Variants in ADAM12 observed in about 807,000 individuals in gnomAD.
The protein encoded by ADAM12 is ADAM metallopeptidase domain 12.
ADAM12 carries 70 observed loss-of-function variants against 106.4 expected under a neutral mutation model. That is an observed-to-expected ratio of 0.66 (90% CI 0.54 to 0.80). ADAM12 has a LOEUF of 0.80. ADAM12 is among the 30% of genes least tolerant of loss of function. The pLI is 0.00. For synonymous variants in ADAM12, 420 were observed against 433.5 expected, an observed-to-expected ratio of 0.97 and a Z score of 0.39; for missense variants, 1,010 against 1,171.9, an observed-to-expected ratio of 0.86 and a Z score of 2.02.
chr10:126,024,497 A>G (rs942141136), intron 21 of ADAM12, among the ~76,000 whole-genome samples: 2 of 152,228 alleles, frequency 1.3e-5, no homozygotes, highest in Non-Finnish European at 2.9e-5. Flanking sequence ...TACACTACAA[A>G]TTGGAACCAG....
chr10:126,106,374 A>T (rs944836734), intron 8 of ADAM12, among the ~76,000 whole-genome samples: 1 of 152,122 alleles, frequency 6.6e-6, no homozygotes, highest in East Asian at 1.9e-4. Context: ...GGTAAAAATA[A>T]TAATCAGGAA....
chr10:126,052,071 C>T (rs754667820), intron 14 of ADAM12, among the ~76,000 whole-genome samples: 3 of 152,210 alleles, frequency 2.0e-5, no homozygotes, highest in African/African-American at 7.2e-5. Flanking sequence ...ACATAGGTAA[C>T]GAAGGCAGGA....
chr10:126,288,458 GGCGGCAGCAGCAAGAGCA>G (rs1160531554), intron 2 of ADAM12, among the ~76,000 whole-genome samples: 11 of 152,320 alleles, frequency 7.2e-5, no homozygotes, highest in Non-Finnish European at 1.3e-4. Context: ...GACAGGGTGA[GGCGGCAGCAGCAAGAGCA>G]GCAGCAGCAG....
In ADAM12 at chr10:126,135,360, T is replaced by C. The variant is rs1004299149; in HGVS notation, c.416+224A>G. ...GCTTTTACCCCACCAGGCCTGAGGA[T>C]GGCACTGTAAGAGGGGGCATGAACA... On this transcript the variant is annotated intron_variant, in intron 5 of 22. Coordinates refer to ENST00000448723, the MANE Select transcript of ADAM12 (RefSeq NM_001288973.2). 5 of 534,660 alleles carry C rather than the reference T, an allele frequency of 9.4e-6. No homozygotes were observed. In the South Asian group the frequency reaches 1.5e-4, roughly 16 times the overall value. The allele number at this position is 534,660 out of a possible 1,614,324, so 33.1% of individuals were successfully genotyped here.
intron 1 of ADAM12, among the ~76,000 whole-genome samples, chr10:126,334,595 T>G (rs1564739738): frequency 6.6e-6 from 1 of 152,116 alleles, no homozygotes. Flanking sequence ...AAGATTGCAA[T>G]GAAAGTTTTT....
chr10:126,219,763 T>C (rs1958055151), intron 3 of ADAM12, among the ~76,000 whole-genome samples: 1 of 152,228 alleles, frequency 6.6e-6, no homozygotes, highest in South Asian at 2.1e-4. Flanking sequence ...TAATGCCACC[T>C]ATTTAAAGAA....
At chr10:126,237,202 G>A (rs774633861) in intron 3 of ADAM12, among the ~76,000 whole-genome samples, 7 of 152,070 alleles carry the variant, frequency 4.6e-5, no homozygotes, top group South Asian at 2.1e-4. Flanking sequence ...TATGAGATAC[G>A]TAACCCCTTA....
intron 3 of ADAM12, among the ~76,000 whole-genome samples, chr10:126,176,036 C>G (rs76741998): frequency 1.6e-4 from 25 of 152,334 alleles, no homozygotes; most frequent in African/African-American, 5.8e-4. Flanking sequence ...CTCGCCCTCA[C>G]CCTGCACACC....
At chr10:126,114,044 G>A (rs990019627) in intron 6 of ADAM12, among the ~76,000 whole-genome samples, 2 of 152,072 alleles carry the variant, frequency 1.3e-5, no homozygotes, top group African/African-American at 4.8e-5. Context: ...AACGCTCCAT[G>A]CCTTGACTCT....
At chr10:126,071,426 TA>T (rs746185805) in intron 12 of ADAM12, 50 bp downstream of exon 12, 1 of 1,587,354 alleles carries the variant, frequency 6.3e-7, no homozygotes, top group East Asian at 2.2e-5. Context: ...CTTCTTTGCC[TA>T]GCCGAGGATA....
intron 3 of ADAM12, among the ~76,000 whole-genome samples, chr10:126,171,218 T>G (rs1957114444): frequency 6.6e-6 from 1 of 152,204 alleles, no homozygotes. Context: ...TTGGGAATAT[T>G]TTAGGCGGCT....
intron 16 of ADAM12, among the ~76,000 whole-genome samples, chr10:126,046,476 G>A (rs1954322344): frequency 6.6e-6 from 1 of 152,044 alleles, no homozygotes; most frequent in Non-Finnish European, 1.5e-5. Flanking sequence ...AGAAATCTAT[G>A]TACTGCAGTA....
intron 5 of ADAM12, among the ~76,000 whole-genome samples, chr10:126,125,253 T>C (rs12266371): frequency 0.031 from 4,571 of 149,286 alleles, 259 homozygotes; most frequent in African/African-American, 0.11. Context: ...TCTTTTCTTT[T>C]TTTTTTTTTT....
intron 3 of ADAM12, among the ~76,000 whole-genome samples, chr10:126,222,356 C>T (rs935096627): frequency 6.6e-6 from 1 of 151,988 alleles, no homozygotes; most frequent in African/African-American, 2.4e-5. Flanking sequence ...TGCCATTCCT[C>T]ACTGTGTATC....
intron 3 of ADAM12, among the ~76,000 whole-genome samples, chr10:126,237,972 T>C (rs1347465315): frequency 6.6e-6 from 1 of 152,180 alleles, no homozygotes; most frequent in Admixed American, 6.5e-5. Flanking sequence ...GGATGAATGA[T>C]AAAAGAATGG....
At position 126,251,262 on chromosome 10, in the gene ADAM12, A is replaced by G. The variant is rs548593061; in HGVS notation, c.260+27653T>C. Among the ~76,000 whole-genome samples, 5 of 152,256 alleles carry G rather than the reference A, an allele frequency of 3.3e-5. No individual in the cohort carries two copies. The South Asian group carries it at 6.2e-4, about 19-fold the overall frequency. On this transcript the variant is annotated intron_variant, in intron 3 of 22. Coordinates refer to ENST00000448723, the MANE Select transcript of ADAM12 (RefSeq NM_001288973.2). Reference sequence around the variant, plus strand: ...GCTTTCCTCCAGTTCCTTCCTAAACATTTCCTCTCTGCTTAAGTCAGCAGT... The same window carrying G: ...GCTTTCCTCCAGTTCCTTCCTAAACGTTTCCTCTCTGCTTAAGTCAGCAGT...
chr10:126,050,820 G>A (rs886539567), intron 14 of ADAM12, among the ~76,000 whole-genome samples: 1 of 152,160 alleles, frequency 6.6e-6, no homozygotes, highest in Non-Finnish European at 1.5e-5. Context: ...AGTGTGCTCA[G>A]CGCTCCAATC....
At chr10:126,194,269 T>C (rs1957557501) in intron 3 of ADAM12, among the ~76,000 whole-genome samples, 1 of 133,726 alleles carries the variant, frequency 7.5e-6, no homozygotes, top group Non-Finnish European at 1.5e-5. Flanking sequence ...TCAAATAAGT[T>C]CATATGCTCA....
At chr10:126,254,698 G>A (rs1421581729) in intron 3 of ADAM12, among the ~76,000 whole-genome samples, 2 of 151,986 alleles carry the variant, frequency 1.3e-5, no homozygotes, top group African/African-American at 4.8e-5. Flanking sequence ...GAGGACAAAG[G>A]CCACTGACCG....
Sources: gnomAD v4.1 joint callset for allele counts (sites outside exome capture counted in the v4.1 genomes callset) on GRCh38, gnomAD v4.1.1 for gene constraint, MANE v1.5 for transcripts, NCBI Gene and HGNC (gene_info 2026-07-23, HGNC 2026-07-21) for gene names.